SP3: variants seen among roughly 807,000 people sequenced by gnomAD.
SP3 encodes Sp3 transcription factor.
SP3 carries 10 observed loss-of-function variants against 70.3 expected under a neutral mutation model. That is an observed-to-expected ratio of 0.14 (90% CI 0.09 to 0.24). The LOEUF is 0.24. Ranked by LOEUF, SP3 falls within the 10% of genes least tolerant of loss-of-function variation. The probability of loss-of-function intolerance (pLI) is 1.00; values close to 1 mark genes in which losing one functional copy is unlikely to be tolerated. For synonymous variants in SP3, 402 were observed against 333.5 expected (o/e 1.21, Z -2.24); for missense variants, 825 against 914.6 (o/e 0.90, Z 1.26).
chr2:173,913,338 T>C (rs1176682613), intron 5 of SP3, 72 bp from the exon 6 acceptor site: 3 of 1,101,760 alleles, frequency 2.7e-6, no homozygotes, highest in African/African-American at 3.2e-5. Context: ...TTACATCATA[T>C]ATCCCCATGT....
intron 4 of SP3, among the ~76,000 whole-genome samples, chr2:173,942,512 G>A (rs1308555430): frequency 6.6e-6 from 1 of 152,182 alleles, no homozygotes; most frequent in Admixed American, 6.5e-5. Context: ...GTTACAGTCA[G>A]CCAAGATCAT....
rs1395034289 is a variant in SP3 at position 173,902,014 on chromosome 2, A to G, written c.*7927T>C. ...AGCCTTCTTTTCAATATTCAACTCAAGAGAGTGGTCTACTATGTGAGAAGA... is the reference window on the plus strand; with the variant it reads ...AGCCTTCTTTTCAATATTCAACTCAGGAGAGTGGTCTACTATGTGAGAAGA... On this transcript the variant is annotated 3_prime_UTR_variant, in exon 7 of 7. Transcript: ENST00000310015. Among the ~76,000 whole-genome samples the G allele has an allele frequency of 1.3e-5, 2 of 152,146 alleles. No homozygotes were observed. The highest frequency in any genetic ancestry group is 4.8e-5 in the African/African-American group (2 of 41,418).
intron 4 of SP3, among the ~76,000 whole-genome samples, chr2:173,931,284 T>C (rs1690057818): frequency 1.3e-5 from 2 of 152,140 alleles, no homozygotes; most frequent in Non-Finnish European, 2.9e-5. Context: ...ATTCCAGCAC[T>C]TTGGGATGCC....
chr2:173,909,729 C>T lies in SP3; in HGVS notation c.*212G>A. Reference sequence around the variant, plus strand: ...GTAAAATTTCATTTCTTCTAGATTCCAAAAGTACCTACAAAACCCATGCAA... The same window carrying T: ...GTAAAATTTCATTTCTTCTAGATTCTAAAAGTACCTACAAAACCCATGCAA... On this transcript the variant is annotated 3_prime_UTR_variant, in exon 7 of 7. Coordinates refer to ENST00000310015, the MANE Select transcript of SP3 (RefSeq NM_003111.5). 9.6e-6 allele frequency: 4 copies of T among 415,998 alleles called. No individual in the cohort carries two copies. The highest frequency in any genetic ancestry group is 3.4e-5 in the South Asian group (1 of 29,198). The allele number at this position is 415,998 out of a possible 1,614,324, so 25.8% of individuals were successfully genotyped here. A position where few individuals can be genotyped will look rare whatever the true frequency, so the allele number is the denominator to read the frequency against.
At chr2:173,947,875 C>G (rs1690591572) in intron 4 of SP3, among the ~76,000 whole-genome samples, 1 of 152,192 alleles carries the variant, frequency 6.6e-6, no homozygotes, top group South Asian at 2.1e-4. Flanking sequence ...AGCAGTAATA[C>G]TGGCTATATC....
intron 4 of SP3, among the ~76,000 whole-genome samples, chr2:173,944,341 C>G (rs555756083): frequency 6.6e-6 from 1 of 152,156 alleles, no homozygotes; most frequent in Admixed American, 6.5e-5. Context: ...CGAGGCCACC[C>G]TGGGCAACAT....
intron 4 of SP3, among the ~76,000 whole-genome samples, chr2:173,922,474 T>G (rs1183558124): frequency 2.0e-5 from 3 of 151,896 alleles, no homozygotes; most frequent in Non-Finnish European, 4.4e-5. Context: ...GTCAATGGGT[T>G]TGGAGTTCAG....
chr2:173,962,381 ACAGT>A (rs1440760559), intron 3 of SP3, among the ~76,000 whole-genome samples: 1 of 152,264 alleles, frequency 6.6e-6, no homozygotes, highest in Non-Finnish European at 1.5e-5. Context: ...TTTTTAAGAT[ACAGT>A]CAATTTGTTT....
intron 4 of SP3, among the ~76,000 whole-genome samples, chr2:173,946,329 A>T (rs1690535376): frequency 6.6e-6 from 1 of 151,412 alleles, no homozygotes; most frequent in African/African-American, 2.4e-5. Context: ...TTTTTTTTTA[A>T]AGAGATGGGG....
rs377477002 is a variant in SP3, at chr2:173,934,312, AT to A, written c.1640-15528del. Among the ~76,000 whole-genome samples the A allele has an allele frequency of 6.4e-3, 977 of 152,186 alleles. 17 individuals carry two copies. The highest frequency in any genetic ancestry group is 0.037 in the East Asian group (194 of 5,184). On this transcript the variant is annotated intron_variant, in intron 4 of 6. Transcript: ENST00000310015. ...AAAATGGAAACAGACATCAAATACC[AT>A]TTTTTAAATTCATTTTGGCCATCAA...
intron 4 of SP3, among the ~76,000 whole-genome samples, chr2:173,953,337 A>C (rs1690774246): frequency 6.6e-6 from 1 of 152,228 alleles, no homozygotes; most frequent in Admixed American, 6.5e-5. Context: ...AGGACCTCTG[A>C]GAGGGTCTCA....
chr2:173,931,442 C>G (rs1442359875), intron 4 of SP3, among the ~76,000 whole-genome samples: 1 of 152,160 alleles, frequency 6.6e-6, no homozygotes, highest in Non-Finnish European at 1.5e-5. Context: ...CTCCCGGGTT[C>G]AAGCGATTCT....
intron 4 of SP3, among the ~76,000 whole-genome samples, chr2:173,939,910 T>A (rs912634513): frequency 4.6e-5 from 7 of 151,302 alleles, no homozygotes; most frequent in Admixed American, 1.3e-4. Flanking sequence ...TAAGAGAGAG[T>A]CACCCAGGCT....
At chr2:173,948,935 G>A (rs1690626299) in intron 4 of SP3, among the ~76,000 whole-genome samples, 1 of 152,118 alleles carries the variant, frequency 6.6e-6, no homozygotes, top group South Asian at 2.1e-4. Context: ...ACCAAGCTAA[G>A]TGGTATGATA....
intron 4 of SP3, among the ~76,000 whole-genome samples, chr2:173,946,380 G>A (rs1690538022): frequency 6.6e-6 from 1 of 151,722 alleles, no homozygotes; most frequent in South Asian, 2.1e-4. Flanking sequence ...CTGGCCTCAA[G>A]CAATTCTCCC....
chr2:173,964,376 A>AGCCGG (rs1167400812), intron 2 of SP3, 29 bp downstream of exon 2: 1 of 651,266 alleles, frequency 1.5e-6, no homozygotes, highest in Non-Finnish European at 2.8e-6. Flanking sequence ...GCGAGGGGGG[A>AGCCGG]GCCGGGCCGG....
Position 173,963,812 on chromosome 2 carries a change from G to T in SP3, c.228C>A (p.Asp76Glu). 1 of 1,461,610 alleles carries T rather than the reference G, an allele frequency of 6.8e-7. No homozygotes were observed. The highest frequency in any genetic ancestry group is 9.1e-7 in the Non-Finnish European group (1 of 1,096,958). 90.5% of individuals were successfully genotyped at this position (1,461,610 alleles called of 1,614,324 possible). A position where few individuals can be genotyped will look rare whatever the true frequency, so the allele number is the denominator to read the frequency against. Reference protein sequence around the residue: ...CSKIGPPSPGDDEEEAAAAAG... With the variant: ...CSKIGPPSPGEDEEEAAAAAG... ...CTGCGGCGGCCGCCTCCTCCTCGTC[G>T]TCGCCCGGCGATGGCGGCCCTATCT... The change falls in exon 3 of 7, where the codon GAC becomes GAA. Residue 76 changes from aspartate to glutamate, a missense_variant. Around this residue, in one of 4 missense-constraint regions of SP3, gnomAD observed 678 missense variants for 651.6 expected, o/e 1.04. Transcript: ENST00000310015.
intron 4 of SP3, among the ~76,000 whole-genome samples, chr2:173,941,804 G>A (rs775808430): frequency 2.0e-5 from 3 of 152,152 alleles, no homozygotes; most frequent in African/African-American, 4.8e-5. Context: ...TTAAGTTTCA[G>A]TTCCTGAATT....
rs751906470 is a variant in SP3 at position 173,964,384 on chromosome 2, C to T, written c.156+21G>A. Reference sequence around the variant, plus strand: ...AAGCGGCGCGAGGGGGGAGCCGGGCCGGGGTTCAGCCGCTCCTCACCTGGG... The same window carrying T: ...AAGCGGCGCGAGGGGGGAGCCGGGCTGGGGTTCAGCCGCTCCTCACCTGGG... On this transcript the variant is annotated intron_variant, in intron 2 of 6. Transcript: ENST00000310015. 14 of 678,372 alleles carry T rather than the reference C, an allele frequency of 2.1e-5. No individual in the cohort carries two copies. The African/African-American group carries it at 2.3e-4, about 11-fold the overall frequency. The allele number at this position is 678,372 out of a possible 1,614,324, so 42.0% of individuals were successfully genotyped here.
Sources: allele counts gnomAD v4.1 joint callset (sites outside exome capture counted in the v4.1 genomes callset), GRCh38; gene constraint gnomAD v4.1.1; regional missense constraint gnomAD v4.1.1; transcripts MANE v1.5; gene names NCBI Gene and HGNC (gene_info 2026-07-23, HGNC 2026-07-21).